The following KCNK5 variants were observed in gnomAD, a reference collection of about 807,000 sequenced individuals.
The protein encoded by KCNK5 is potassium two pore domain channel subfamily K member 5.
KCNK5 carries 18 observed loss-of-function variants against 32.9 expected under a neutral mutation model. That is an observed-to-expected ratio of 0.55 (90% CI 0.38 to 0.81). KCNK5 has a LOEUF of 0.81. KCNK5 is among the 30% of genes least tolerant of loss of function. KCNK5 has a pLI of 0.00. For synonymous variants in KCNK5, 276 were observed against 275.3 expected (o/e 1.00, Z -0.03); for missense variants, 507 against 651.0 (o/e 0.78, Z 2.41).
rs1413148228 is a variant in KCNK5 at position 39,191,254 on chromosome 6, C to T, written c.1136G>A (p.Arg379Gln). 5 of 1,614,090 alleles carry T rather than the reference C, an allele frequency of 3.1e-6. No individual in the cohort carries two copies. Among genetic ancestry groups the T allele is most frequent in the Non-Finnish European group, 4.2e-6 (5 of 1,180,026 alleles). Reference protein sequence around the residue: ...SRSPDEEAVARAPEDSSPAPE... With the variant: ...SRSPDEEAVAQAPEDSSPAPE... The stretch of plus-strand genomic sequence containing the variant: ...GGCAGGGGAGCTGTCTTCAGGGGCC[C>T]GTGCCACAGCCTCCTCATCTGGGGA... Residue 379 changes from arginine (R) to glutamine (Q), a missense_variant, in exon 5 of 5, where the codon CGG becomes CAG. Transcript: ENST00000359534. The surrounding 1 kb of genome is among the most constrained non-coding windows in gnomAD (Gnocchi z 5.8).
In KCNK5 at chr6:39,191,127, G is replaced by A; in HGVS notation, c.1263C>T (p.Thr421=). Residue 421 remains threonine (T), a synonymous_variant, in exon 5 of 5, where the codon ACC becomes ACT. Transcript: ENST00000359534. This position sits in a 1 kb window ranked among gnomAD's most constrained non-coding sequence, Gnocchi z 5.8. ...HPLIFQDASI[T]FVNTEAGLSD... ...AGAGGCCAGCCTCCGTGTTCACGAA[G>A]GTGATGCTGGCGTCCTGGAAGATGA... The A allele has an allele frequency of 1.2e-6, 2 of 1,614,222 alleles. No homozygotes were observed. Among genetic ancestry groups the A allele is most frequent in the Non-Finnish European group, 1.7e-6 (2 of 1,180,036 alleles).
At position 39,194,791 on chromosome 6, in the gene KCNK5, G is replaced by A; in HGVS notation, c.299-31C>T. 1 of 1,608,970 alleles carries A rather than the reference G, an allele frequency of 6.2e-7. No individual in the cohort carries two copies. Among genetic ancestry groups the A allele is most frequent in the East Asian group, 2.2e-5 (1 of 44,816 alleles). On this transcript the variant is annotated intron_variant, in intron 2 of 4. Transcript: ENST00000359534. This position sits in a 1 kb window ranked among gnomAD's most constrained non-coding sequence, Gnocchi z 4.7. ...GAAGGAGAGAGTGAGGCCAAGAACA[G>A]GAGGGGTGGTCAAACCAGTGGGCCT...
intron 1 of KCNK5, among the ~76,000 whole-genome samples, chr6:39,200,957 C>G (rs1771123912): frequency 6.6e-6 from 1 of 152,174 alleles, no homozygotes; most frequent in African/African-American, 2.4e-5. Context: ...GGGGCTTCCC[C>G]TTTACGGGGT....
chr6:39,224,093 T>TTC (rs1771607382), intron 1 of KCNK5, among the ~76,000 whole-genome samples: 1 of 151,786 alleles, frequency 6.6e-6, no homozygotes, highest in African/African-American at 2.4e-5. Context: ...AGGCTTTTTT[T>TTC]TTTTTTTGGC....
At position 39,229,271 on chromosome 6, in the gene KCNK5, TG is replaced by T. The variant is rs1271567473; in HGVS notation, c.-161del. The T allele has an allele frequency of 1.1e-5, 9 of 815,350 alleles. No individual in the cohort carries two copies. The East Asian group carries it at 2.4e-4, about 22-fold the overall frequency. 50.5% of individuals were successfully genotyped at this position (815,350 alleles called of 1,614,324 possible). On this transcript the variant is annotated 5_prime_UTR_variant, in exon 1 of 5. Transcript: ENST00000359534. ...GCAAGCACCGCTCCCCGGACAGAGT[TG>T]CTTGGCCAAGTTGGCCCACGGAGTG...
At chr6:39,198,713 C>T (rs896340240) in intron 1 of KCNK5, among the ~76,000 whole-genome samples, 41 of 152,202 alleles carry the variant, frequency 2.7e-4, no homozygotes, top group African/African-American at 9.7e-4. Context: ...AACAAGCCCA[C>T]TGTTGCTTGC....
At chr6:39,218,070 CTTTTTT>C (rs796153225) in intron 1 of KCNK5, among the ~76,000 whole-genome samples, 1 of 130,382 alleles carries the variant, frequency 7.7e-6, no homozygotes, top group Non-Finnish European at 1.6e-5. Context: ...ACTTACAGGC[CTTTTTT>C]TTTTTTTTTT....
intron 1 of KCNK5, among the ~76,000 whole-genome samples, chr6:39,203,106 G>A (rs1771160832): frequency 6.6e-6 from 1 of 152,178 alleles, no homozygotes; most frequent in Non-Finnish European, 1.5e-5. Context: ...AAGCAGATGG[G>A]CTGGCATGTC....
chr6:39,217,118 C>CAAAAAAAAAAAAAAAAAAAAAAAAA (rs57204833), intron 1 of KCNK5, among the ~76,000 whole-genome samples: 1 of 74,448 alleles, frequency 1.3e-5, no homozygotes, highest in African/African-American at 4.6e-5. Flanking sequence ...AAAACTCCAT[C>CAAAAAAAAAAAAAAAAAAAAAAAAA]AAAAAAAAAA....
chr6:39,227,219 G>A (rs1771689867), intron 1 of KCNK5, among the ~76,000 whole-genome samples: 1 of 151,806 alleles, frequency 6.6e-6, no homozygotes, highest in Non-Finnish European at 1.5e-5. Context: ...CAGTGTTGGA[G>A]CAACAGCTTA....
At chr6:39,196,830 C>A (rs1771039420) in intron 1 of KCNK5, among the ~76,000 whole-genome samples, 2 of 152,202 alleles carry the variant, frequency 1.3e-5, no homozygotes, top group African/African-American at 2.4e-5. Context: ...CTGTGGATAG[C>A]AGGTGAGAGG....
intron 1 of KCNK5, among the ~76,000 whole-genome samples, chr6:39,216,300 A>G (rs1483446588): frequency 6.6e-6 from 1 of 152,158 alleles, no homozygotes; most frequent in East Asian, 1.9e-4. Flanking sequence ...AAAACTAAAC[A>G]AAACAAAAAC....
chr6:39,190,701 G>C lies in KCNK5; in HGVS notation c.*189C>G. Reference sequence around the variant, plus strand: ...CCACAGCCAGGGTATGGTTCAGCTGGAGAACAGAGGCCCTGTCCCGGGCAT... The same window carrying C: ...CCACAGCCAGGGTATGGTTCAGCTGCAGAACAGAGGCCCTGTCCCGGGCAT... On this transcript the variant is annotated 3_prime_UTR_variant, in exon 5 of 5. Coordinates refer to ENST00000359534, the MANE Select transcript of KCNK5 (RefSeq NM_003740.4). 1 of 525,092 alleles carries C rather than the reference G, an allele frequency of 1.9e-6. No individual in the cohort carries two copies. The allele number at this position is 525,092 out of a possible 1,614,324, so 32.5% of individuals were successfully genotyped here. A position where few individuals can be genotyped will look rare whatever the true frequency, so the allele number is the denominator to read the frequency against.
At chr6:39,200,158 C>T (rs2815102) in intron 1 of KCNK5, among the ~76,000 whole-genome samples, 41,218 of 152,156 alleles carry the variant, frequency 0.27, 5,862 homozygotes, top group East Asian at 0.55. Flanking sequence ...AGGGAAACAG[C>T]TTTCGCGGGA....
At chr6:39,228,767 C>T (rs1771716152) in intron 1 of KCNK5, among the ~76,000 whole-genome samples, 159 bp downstream of exon 1, 1 of 152,160 alleles carries the variant, frequency 6.6e-6, no homozygotes, top group Admixed American at 6.5e-5. Context: ...GCGACAGATC[C>T]TCGAAGCCTG....
rs754175906 is a variant in KCNK5, at chr6:39,195,859, G to A, written c.298+17C>T. 1.9e-6 allele frequency: 3 copies of A among 1,596,222 alleles called. No individual in the cohort carries two copies. The highest frequency in any genetic ancestry group is 1.7e-5 in the Admixed American group (1 of 59,800). On this transcript the variant is annotated intron_variant, in intron 2 of 4. Transcript: ENST00000359534. ...AGGGCATGGATGTGGGTGTCCTACA[G>A]GTCCCAGAAGACTTACCAATGGTGG...
At chr6:39,216,222 T>G (rs537955001) in intron 1 of KCNK5, among the ~76,000 whole-genome samples, 1 of 150,720 alleles carries the variant, frequency 6.6e-6, no homozygotes, top group African/African-American at 2.4e-5. Flanking sequence ...GAGGTGGAGG[T>G]TGCAGTGAGC....
chr6:39,219,660 C>T (rs923216526), intron 1 of KCNK5, among the ~76,000 whole-genome samples: 19 of 152,322 alleles, frequency 1.2e-4, no homozygotes, highest in African/African-American at 3.4e-4. Flanking sequence ...CTGCTGTGAC[C>T]TTGCAAGAGG....
At chr6:39,200,187 C>G (rs1433744376) in intron 1 of KCNK5, among the ~76,000 whole-genome samples, 1 of 152,212 alleles carries the variant, frequency 6.6e-6, no homozygotes, top group Non-Finnish European at 1.5e-5. Context: ...CCCCTGTTCA[C>G]TGGCTGGATT....
Sources: gnomAD v4.1 joint callset for allele counts (sites outside exome capture counted in the v4.1 genomes callset) on GRCh38, gnomAD v4.1.1 for gene constraint, Gnocchi (gnomAD v3.1) non-coding constraint, MANE v1.5 for transcripts, NCBI Gene and HGNC (gene_info 2026-07-23, HGNC 2026-07-21) for gene names.